The following CHD7 variants were observed in gnomAD, a reference collection of about 807,000 sequenced individuals.
CHD7 encodes ATP-dependent chromatin remodeler CHD7.
Under a neutral mutation model 307.3 loss-of-function variants are expected in CHD7, and 24 were observed. The ratio of observed to expected loss-of-function variants is 0.08; its 90% CI spans 0.06 to 0.11. The LOEUF (loss-of-function observed/expected upper bound fraction) is 0.11. Among genes scored for constraint, CHD7 ranks in the 10% least tolerant of loss-of-function variants. The pLI is 1.00. For missense variants in CHD7, 3,106 were observed against 3,727.1 expected (o/e 0.83, Z 4.34); for synonymous variants, 1,363 against 1,349.9 (o/e 1.01, Z -0.21).
Position 60,741,391 on chromosome 8 carries a change from G to A in CHD7, c.-42G>A, listed in dbSNP as rs1448238349. 2 of 1,444,346 alleles carry A rather than the reference G, an allele frequency of 1.4e-6. No homozygotes were observed. Among genetic ancestry groups the A allele is most frequent in the Admixed American group, 4.1e-5 (2 of 49,258 alleles). The allele number at this position is 1,444,346 out of a possible 1,614,324, so 89.5% of individuals were successfully genotyped here. Reference sequence around the variant, plus strand: ...CCTCAGTGAAGTGAAGCACAGGCAAGCTCCTGAGCTGTGGTTTGGAGGAGC... The same window carrying A: ...CCTCAGTGAAGTGAAGCACAGGCAAACTCCTGAGCTGTGGTTTGGAGGAGC... On this transcript the variant is annotated 5_prime_UTR_variant, in exon 2 of 38. Transcript: ENST00000423902.
intron 6 of CHD7, among the ~76,000 whole-genome samples, chr8:60,804,093 G>A (rs1812437748): frequency 6.6e-6 from 1 of 152,162 alleles, no homozygotes; most frequent in African/African-American, 2.4e-5. Flanking sequence ...AACTCACCTG[G>A]CAGAGGCACC....
At chr8:60,817,213 A>G (rs917664343) in intron 8 of CHD7, among the ~76,000 whole-genome samples, 2 of 152,224 alleles carry the variant, frequency 1.3e-5, no homozygotes, top group Admixed American at 6.5e-5. Context: ...GATAAAAGAA[A>G]AACCCTAACA....
At chr8:60,815,477 A>G (rs1028606893) in intron 7 of CHD7, among the ~76,000 whole-genome samples, 1 of 152,204 alleles carries the variant, frequency 6.6e-6, no homozygotes, top group African/African-American at 2.4e-5. Context: ...GTGATGGGAC[A>G]AAAGAATATT....
chr8:60,750,361 T>C (rs1217099993), intron 2 of CHD7, among the ~76,000 whole-genome samples: 1 of 152,108 alleles, frequency 6.6e-6, no homozygotes, highest in Admixed American at 6.5e-5. Flanking sequence ...AGATTGCTGG[T>C]ATGGTGGAAG....
Position 60,852,000 on chromosome 8 carries a change from T to C in CHD7, c.5666-19T>C, listed in dbSNP as rs1805474762. 4.5e-6 allele frequency: 7 copies of C among 1,565,764 alleles called. No individual in the cohort carries two copies. Among genetic ancestry groups the C allele is most frequent in the South Asian group, 1.1e-5 (1 of 87,376 alleles). On this transcript the variant is annotated intron_variant, in intron 28 of 37. Transcript: ENST00000423902. ...AGATTGCAGCTACACATTTCAAAAA[T>C]GTTTTTCCACTTCCCCAGGCAAGCA... is the stretch of plus-strand genomic sequence containing the variant.
At chr8:60,744,622 G>A (rs1480581978) in intron 2 of CHD7, among the ~76,000 whole-genome samples, 1 of 151,736 alleles carries the variant, frequency 6.6e-6, no homozygotes, top group Non-Finnish European at 1.5e-5. Flanking sequence ...GGAGGCCGAG[G>A]CAGGCAGATC....
At chr8:60,720,291 G>A (rs1192942276) in intron 1 of CHD7, among the ~76,000 whole-genome samples, 1 of 152,080 alleles carries the variant, frequency 6.6e-6, no homozygotes, top group Non-Finnish European at 1.5e-5. Context: ...TTGCACATTG[G>A]GATAAATTCC....
In CHD7 at chr8:60,853,410, T is replaced by C. The variant is rs1805566024; in HGVS notation, c.6685T>C (p.Ser2229Pro). Reference sequence around the variant, plus strand: ...TGTTGAGGTCGGCGCAGACACTGGGTCCAAATCTATTTCAGAGAAAGGTTC... The same window carrying C: ...TGTTGAGGTCGGCGCAGACACTGGGCCCAAATCTATTTCAGAGAAAGGTTC... ...KGVEVGADTG[S>P]KSISEKGSEE... is the part of the protein sequence containing the mutation. Residue 2229 changes from serine (S) to proline (P), a missense_variant, in exon 31 of 38, where the codon TCC becomes CCC. Ser to Pro is a moderately conservative substitution (Grantham distance 74). Transcript: ENST00000423902. The C allele has an allele frequency of 4.6e-6, 7 of 1,525,506 alleles. No individual in the cohort carries two copies. Among genetic ancestry groups the C allele is most frequent in the Non-Finnish European group, 5.3e-6 (6 of 1,140,706 alleles). 94.5% of individuals were successfully genotyped at this position (1,525,506 alleles called of 1,614,324 possible).
intron 2 of CHD7, among the ~76,000 whole-genome samples, chr8:60,747,165 C>T (rs554764363): frequency 1.5e-4 from 23 of 152,304 alleles, no homozygotes; most frequent in Non-Finnish European, 1.3e-4. Context: ...CAACCTCCTT[C>T]TCCCAGGTTC....
chr8:60,856,852 G>A lies in CHD7; in HGVS notation c.7572G>A (p.Leu2524=). The part of the protein sequence containing the change: ...GRRKNVEGLD[L]LFMSHKRTSL... ...GGAAAAATGTGGAGGGACTTGATCT[G>A]CTTTTCATGAGCCACAAACGGACGT... The change falls in exon 34 of 38, where the codon CTG becomes CTA. Residue 2524 remains leucine (L), a synonymous_variant. Transcript: ENST00000423902. 1 of 1,570,632 alleles carries A rather than the reference G, an allele frequency of 6.4e-7. No individual in the cohort carries two copies. Among genetic ancestry groups the A allele is most frequent in the Non-Finnish European group, 8.6e-7 (1 of 1,160,182 alleles).
intron 34 of CHD7, among the ~76,000 whole-genome samples, chr8:60,857,598 C>T (rs1348885309): frequency 6.6e-6 from 1 of 152,036 alleles, no homozygotes; most frequent in Admixed American, 6.6e-5. Flanking sequence ...ACCTATTGAC[C>T]AGAAGCCCCA....
chr8:60,702,073 T>C (rs1806792246), intron 1 of CHD7, among the ~76,000 whole-genome samples: 1 of 152,246 alleles, frequency 6.6e-6, no homozygotes, highest in East Asian at 1.9e-4. Flanking sequence ...CTCACTAGCT[T>C]TGTGATTTGG....
intron 25 of CHD7, among the ~76,000 whole-genome samples, chr8:60,850,227 A>G (rs138154706): frequency 1.1e-3 from 172 of 152,360 alleles, no homozygotes; most frequent in Non-Finnish European, 1.7e-3. Context: ...CCTCCCAGGC[A>G]TCTTGCAGTT....
intron 1 of CHD7, among the ~76,000 whole-genome samples, chr8:60,698,502 A>C (rs996177181): frequency 6.6e-6 from 1 of 152,216 alleles, no homozygotes; most frequent in African/African-American, 2.4e-5. Flanking sequence ...CAAGGGCTCT[A>C]GAGTTAGACT....
At chr8:60,715,603 G>A (rs1342275295) in intron 1 of CHD7, among the ~76,000 whole-genome samples, 2 of 152,086 alleles carry the variant, frequency 1.3e-5, no homozygotes, top group Non-Finnish European at 2.9e-5. Context: ...ACAGGCGTGA[G>A]CCACCGCGCC....
intron 35 of CHD7, 131 bp downstream of exon 35, chr8:60,861,256 C>A: frequency 1.5e-6 from 1 of 682,664 alleles, no homozygotes; most frequent in Non-Finnish European, 2.4e-6. Flanking sequence ...TCAAACATTT[C>A]CCAGGTCTTT....
chr8:60,866,891 A>T lies in CHD7; in HGVS notation c.*958A>T, dbSNP rs4563927. ...ATGCTTTTAATAAAAGTGACCCATG[A>T]TATGCAGAGATGTAATTATAGAATG... is the stretch of plus-strand genomic sequence containing the variant. On this transcript the variant is annotated 3_prime_UTR_variant, in exon 38 of 38. Transcript: ENST00000423902. The T allele has an allele frequency of 1.6e-4, 24 of 152,764 alleles. No individual in the cohort carries two copies. The highest frequency in any genetic ancestry group is 5.8e-4 in the African/African-American group (24 of 41,584). 9.5% of individuals were successfully genotyped at this position (152,764 alleles called of 1,614,324 possible). A position where few individuals can be genotyped will look rare whatever the true frequency, so the allele number is the denominator to read the frequency against.
rs950148080 is a variant in CHD7 at position 60,816,728 on chromosome 8, C to A, written c.2613+227C>A. On this transcript the variant is annotated intron_variant, in intron 8 of 37. Coordinates refer to ENST00000423902, the MANE Select transcript of CHD7 (RefSeq NM_017780.4). ...TCCTTATGATATTATGTGGAAATAGCGGTGATGGTATGATAAAAATCGTGT... is the reference window on the plus strand; with the variant it reads ...TCCTTATGATATTATGTGGAAATAGAGGTGATGGTATGATAAAAATCGTGT... 1.3e-5 allele frequency among the ~76,000 whole-genome samples: 2 copies of A among 152,040 alleles called. No homozygotes were observed. The highest frequency in any genetic ancestry group is 2.9e-5 in the Non-Finnish European group (2 of 68,014).
At chr8:60,779,690 G>T (rs905827329) in intron 2 of CHD7, among the ~76,000 whole-genome samples, 2 of 152,162 alleles carry the variant, frequency 1.3e-5, no homozygotes, top group African/African-American at 4.8e-5. Context: ...GCCTTGGCGT[G>T]TACAGTAGTC....
Sources: allele counts gnomAD v4.1 joint callset (sites outside exome capture counted in the v4.1 genomes callset), GRCh38; gene constraint gnomAD v4.1.1; transcripts MANE v1.5; gene names NCBI Gene and HGNC (gene_info 2026-07-23, HGNC 2026-07-21).